PCSK2: variants seen among roughly 807,000 people sequenced by gnomAD.
PCSK2 encodes the protein proprotein convertase subtilisin/kexin type 2.
A neutral mutation model predicts 69.7 loss-of-function variants in PCSK2; 14 were observed. The ratio of observed to expected loss-of-function variants is 0.20; its 90% CI spans 0.13 to 0.31. PCSK2 has a LOEUF of 0.31. Among genes scored for constraint, PCSK2 ranks in the 10% least tolerant of loss-of-function variants. The pLI, the probability that PCSK2 is intolerant of heterozygous loss-of-function variation, is 1.00. For synonymous variants in PCSK2, 307 were observed against 320.7 expected (o/e 0.96, Z 0.46); for missense variants, 544 against 842.5 (o/e 0.65, Z 4.39).
intron 2 of PCSK2, among the ~76,000 whole-genome samples, chr20:17,316,362 T>C (rs1246920579): frequency 6.6e-6 from 1 of 152,262 alleles, no homozygotes; most frequent in East Asian, 1.9e-4. Flanking sequence ...TGTCTGTGTA[T>C]GTATGAATAT....
At chr20:17,254,700 A>C (rs1386716977) in intron 1 of PCSK2, among the ~76,000 whole-genome samples, 1 of 152,190 alleles carries the variant, frequency 6.6e-6, no homozygotes, top group East Asian at 1.9e-4. Context: ...TTGAGTTTAC[A>C]TTTGAACTTT....
At chr20:17,410,469 G>T (rs754700236) in intron 6 of PCSK2, among the ~76,000 whole-genome samples, 1 of 152,076 alleles carries the variant, frequency 6.6e-6, no homozygotes, top group Non-Finnish European at 1.5e-5. Context: ...TTGACACAGG[G>T]TACACAGGTT....
At chr20:17,466,271 C>T (rs991039720) in intron 11 of PCSK2, among the ~76,000 whole-genome samples, 2 of 152,198 alleles carry the variant, frequency 1.3e-5, no homozygotes, top group African/African-American at 4.8e-5. Context: ...CTGTTCCATA[C>T]TTACTAGAAT....
intron 1 of PCSK2, among the ~76,000 whole-genome samples, chr20:17,228,742 C>T (rs1986028492): frequency 6.6e-6 from 1 of 152,210 alleles, no homozygotes; most frequent in Non-Finnish European, 1.5e-5. Context: ...AGGGCTCCTC[C>T]AGGTGTGGGG....
intron 2 of PCSK2, among the ~76,000 whole-genome samples, chr20:17,289,010 A>T (rs1162572364): frequency 6.6e-6 from 1 of 152,260 alleles, no homozygotes; most frequent in African/African-American, 2.4e-5. Flanking sequence ...GAAGGAAATA[A>T]GGATGACAGA....
At chr20:17,312,758 A>G (rs1989558030) in intron 2 of PCSK2, among the ~76,000 whole-genome samples, 1 of 152,090 alleles carries the variant, frequency 6.6e-6, no homozygotes, top group Non-Finnish European at 1.5e-5. Context: ...TGTGTCCCCA[A>G]GAATATTTTA....
intron 2 of PCSK2, among the ~76,000 whole-genome samples, chr20:17,289,073 C>T (rs764383483): frequency 7.9e-5 from 12 of 152,242 alleles, no homozygotes; most frequent in Middle Eastern, 3.4e-3. Context: ...TTCTCTCAAC[C>T]GAAGGACAGC....
At chr20:17,268,786 T>A (rs1205982064) in intron 2 of PCSK2, among the ~76,000 whole-genome samples, 1 of 152,140 alleles carries the variant, frequency 6.6e-6, no homozygotes, top group Non-Finnish European at 1.5e-5. Context: ...ACAACTGGAC[T>A]AGAGAGATCC....
intron 2 of PCSK2, among the ~76,000 whole-genome samples, chr20:17,338,182 GTTGT>G (rs1990411491): frequency 7.3e-6 from 1 of 137,472 alleles, no homozygotes; most frequent in Non-Finnish European, 1.6e-5. Flanking sequence ...GGGGGGGGGG[GTTGT>G]GTTTTTGTTT....
chr20:17,424,212 CTAA>C (rs1465846978), intron 6 of PCSK2, among the ~76,000 whole-genome samples: 1 of 152,084 alleles, frequency 6.6e-6, no homozygotes, highest in Non-Finnish European at 1.5e-5. Flanking sequence ...CTACACAGCA[CTAA>C]AAATGGATGA....
chr20:17,364,702 T>C (rs1238117766), intron 4 of PCSK2, among the ~76,000 whole-genome samples: 1 of 152,136 alleles, frequency 6.6e-6, no homozygotes, highest in Non-Finnish European at 1.5e-5. Flanking sequence ...CCCCAACACT[T>C]AGCAGCTTGA....
intron 1 of PCSK2, among the ~76,000 whole-genome samples, chr20:17,244,073 G>T (rs1052585947): frequency 6.6e-6 from 1 of 151,994 alleles, no homozygotes; most frequent in African/African-American, 2.4e-5. Flanking sequence ...TACTTATACT[G>T]CCTTGTTCTT....
intron 5 of PCSK2, 52 bp downstream of exon 5, chr20:17,369,329 G>A: frequency 6.8e-7 from 1 of 1,474,936 alleles, no homozygotes; most frequent in Non-Finnish European, 9.5e-7. Flanking sequence ...AAATGTCCTG[G>A]TGTCCCTGGC....
chr20:17,247,520 C>T (rs753135431), intron 1 of PCSK2, among the ~76,000 whole-genome samples: 4 of 152,186 alleles, frequency 2.6e-5, no homozygotes, highest in Non-Finnish European at 5.9e-5. Context: ...CCCGACTAAG[C>T]CTGACTGAGG....
rs555830588 is a variant in PCSK2, at chr20:17,353,369, G to A, written c.283-4958G>A. 4.6e-4 allele frequency among the ~76,000 whole-genome samples: 69 copies of A among 151,558 alleles called. 3 individuals carry two copies. In the South Asian group the frequency reaches 0.012, roughly 26 times the overall value. ...AGTCCCAGCTACTCGGGTGGCTGAGGCAGGAGAATCGCTTGAACCCGGGAG... is the reference window on the plus strand; with the variant it reads ...AGTCCCAGCTACTCGGGTGGCTGAGACAGGAGAATCGCTTGAACCCGGGAG... On this transcript the variant is annotated intron_variant, in intron 2 of 11. Coordinates refer to ENST00000262545, the MANE Select transcript of PCSK2 (RefSeq NM_002594.5).
At chr20:17,350,181 T>G (rs1185444834) in intron 2 of PCSK2, among the ~76,000 whole-genome samples, 4 of 148,068 alleles carry the variant, frequency 2.7e-5, no homozygotes, top group African/African-American at 2.5e-5. Flanking sequence ...AGTGACCCTA[T>G]TTCCAAATAA....
intron 5 of PCSK2, among the ~76,000 whole-genome samples, chr20:17,370,486 T>G: frequency 6.6e-6 from 1 of 152,342 alleles, no homozygotes; most frequent in Admixed American, 6.5e-5. Flanking sequence ...AATGAATCAT[T>G]GGCAGAATCC....
chr20:17,481,891 C>G lies in PCSK2; in HGVS notation c.1738C>G (p.Gln580Glu). The change falls in exon 12 of 12, where the codon CAG (glutamine) becomes GAG (glutamate). Residue 580 changes from glutamine (Q) to glutamate (E), a missense_variant. Transcript: ENST00000262545. ...LELGFVGSAP[Q>E]KGVLKEWTLM... Reference sequence around the variant, plus strand: ...GCTGGGATTTGTCGGCAGCGCCCCGCAGAAGGGGGTGCTGAAGGAGTGGAC... The same window carrying G: ...GCTGGGATTTGTCGGCAGCGCCCCGGAGAAGGGGGTGCTGAAGGAGTGGAC... 1 of 1,613,944 alleles carries G rather than the reference C, an allele frequency of 6.2e-7. No homozygotes were observed.
At chr20:17,366,952 T>G (rs4814611) in intron 4 of PCSK2, among the ~76,000 whole-genome samples, 26,598 of 152,108 alleles carry the variant, frequency 0.17, 3,287 homozygotes, top group East Asian at 0.51. Flanking sequence ...TCTCAGAACA[T>G]GAAGCCATGT....
Sources: gnomAD v4.1 joint callset for allele counts (sites outside exome capture counted in the v4.1 genomes callset) on GRCh38, gnomAD v4.1.1 for gene constraint, MANE v1.5 for transcripts, NCBI Gene and HGNC (gene_info 2026-07-23, HGNC 2026-07-21) for gene names.